Variants in RGMA observed in about 807,000 individuals in gnomAD.
The protein encoded by RGMA is repulsive guidance molecule A.
In RGMA, 10 loss-of-function variants were observed where a neutral mutation model predicts 23.2. That is an observed-to-expected ratio of 0.43 (90% CI 0.27 to 0.73). The LOEUF (loss-of-function observed/expected upper bound fraction) is 0.73, where lower values mean the gene tolerates loss of function less well. Ranked by LOEUF, RGMA falls within the 30% of genes least tolerant of loss-of-function variation. The probability of loss-of-function intolerance (pLI) is 0.20; values close to 1 mark genes in which losing one functional copy is unlikely to be tolerated. For missense variants in RGMA, 547 were observed against 630.5 expected, an observed-to-expected ratio of 0.87 and a Z score of 1.42; for synonymous variants, 308 against 279.3, an observed-to-expected ratio of 1.10 and a Z score of -1.03.
At chr15:93,063,126 C>T (rs372348883) in intron 2 of RGMA, 25 of 152,296 alleles carry the variant, frequency 1.6e-4, no homozygotes, top group African/African-American at 6.0e-4. Flanking sequence ...TGGAGGCAGG[C>T]GGAGGGAAGG....
rs1307889748 is a variant in RGMA, at chr15:93,044,569, AGT to A, written c.*427_*428del. 4.6e-6 allele frequency: 1 copy of A among 218,374 alleles called. No individual in the cohort carries two copies. Among genetic ancestry groups the A allele is most frequent in the Non-Finnish European group, 9.1e-6 (1 of 109,294 alleles). The allele number at this position is 218,374 out of a possible 1,614,324, so 13.5% of individuals were successfully genotyped here. A position where few individuals can be genotyped will look rare whatever the true frequency, so the allele number is the denominator to read the frequency against. ...GGGATCGAGTGTGCTCTCGTGTAAG[AGT>A]GTGTGCGTGCGTGTGGCGGGCACAG... On this transcript the variant is annotated 3_prime_UTR_variant, in exon 4 of 4. Transcript: ENST00000329082.
chr15:93,036,199 C>T lies in RGMA; in HGVS notation c.*8799G>A, dbSNP rs900786763. ...CTGTACTGCCGACATCAAGCATAGCCCCCCAGCTCATCACGGGGCCTCATG... is the reference window on the plus strand; with the variant it reads ...CTGTACTGCCGACATCAAGCATAGCTCCCCAGCTCATCACGGGGCCTCATG... On this transcript the variant is annotated 3_prime_UTR_variant, in exon 4 of 4. Coordinates refer to ENST00000329082, the MANE Select transcript of RGMA (RefSeq NM_020211.3). 4 of 152,218 alleles carry T rather than the reference C, an allele frequency of 2.6e-5. No individual in the cohort carries two copies. Among genetic ancestry groups the T allele is most frequent in the Non-Finnish European group, 1.5e-5 (1 of 68,050 alleles). 9.4% of individuals were successfully genotyped at this position (152,218 alleles called of 1,614,324 possible).
chr15:93,048,168 C>T (rs545188846), intron 3 of RGMA, among the ~76,000 whole-genome samples: 47 of 152,244 alleles, frequency 3.1e-4, no homozygotes, highest in African/African-American at 1.1e-3. Context: ...TGCCCCTGGC[C>T]GTGTTGCTGT....
intron 2 of RGMA, among the ~76,000 whole-genome samples, chr15:93,062,432 T>C (rs1481458087): frequency 5.9e-5 from 9 of 152,184 alleles, no homozygotes; most frequent in African/African-American, 2.2e-4. Flanking sequence ...TGACGGGTGA[T>C]GAAGGGCAAA....
intron 2 of RGMA, among the ~76,000 whole-genome samples, chr15:93,067,412 G>A (rs1245479018): frequency 1.3e-5 from 2 of 152,142 alleles, no homozygotes; most frequent in Non-Finnish European, 2.9e-5. Context: ...GAGAAAAGAA[G>A]GGCATATAGA....
In RGMA at chr15:93,056,214, T is replaced by C. The variant is rs571604366; in HGVS notation, c.131-3707A>G. On this transcript the variant is annotated intron_variant, in intron 2 of 3. Coordinates refer to ENST00000329082, the MANE Select transcript of RGMA (RefSeq NM_020211.3). ...CGGTCACAGAAGCCAAGCTAGTGCC[T>C]GATGGAGCCGGGCCAGCCCGGAGTG... Among the ~76,000 whole-genome samples, 4 of 152,258 alleles carry C rather than the reference T, an allele frequency of 2.6e-5. No individual in the cohort carries two copies. In the East Asian group the frequency reaches 7.7e-4, roughly 29 times the overall value.
At chr15:93,062,543 T>C (rs531075606) in intron 2 of RGMA, among the ~76,000 whole-genome samples, 141 of 152,264 alleles carry the variant, frequency 9.3e-4, no homozygotes, top group African/African-American at 3.1e-3. Context: ...CACGGAAACC[T>C]AGAGTGCCAC....
chr15:93,051,250 G>A (rs939801479), intron 3 of RGMA, among the ~76,000 whole-genome samples: 17 of 152,140 alleles, frequency 1.1e-4, no homozygotes, highest in East Asian at 1.9e-4. Context: ...GAACAGAAAC[G>A]CCCTTGTGGT....
Position 93,039,598 on chromosome 15 carries a change from A to G in RGMA, c.*5400T>C, listed in dbSNP as rs1397401458. 3 of 147,196 alleles carry G rather than the reference A, an allele frequency of 2.0e-5. No homozygotes were observed. Among genetic ancestry groups the G allele is most frequent in the Admixed American group, 1.4e-4 (2 of 14,746 alleles). The allele number at this position is 147,196 out of a possible 1,614,324, so 9.1% of individuals were successfully genotyped here. ...GTGTGATGTTCCCTTCCCTGTGTCC[A>G]TGTGTTCTCATTGTTCAACTCCCAC... On this transcript the variant is annotated 3_prime_UTR_variant, in exon 4 of 4. Coordinates refer to ENST00000329082, the MANE Select transcript of RGMA (RefSeq NM_020211.3).
At chr15:93,053,986 T>C (rs187082846) in intron 2 of RGMA, among the ~76,000 whole-genome samples, 180 of 152,272 alleles carry the variant, frequency 1.2e-3, no homozygotes, top group Non-Finnish European at 2.4e-3. Context: ...CCAGCACTTT[T>C]TGGGAGGCCG....
Position 93,052,340 on chromosome 15 carries a change from G to A in RGMA, c.298C>T (p.His100Tyr). The A allele has an allele frequency of 6.2e-7, 1 of 1,602,152 alleles. No homozygotes were observed. Among genetic ancestry groups the A allele is most frequent in the Non-Finnish European group, 8.5e-7 (1 of 1,179,450 alleles). Reference sequence around the variant, plus strand: ...TCCTCTATGCCATGGACGGCCGAGTGGTAGGCCAGGTCACCCCGGCAGGTG... The same window carrying A: ...TCCTCTATGCCATGGACGGCCGAGTAGTAGGCCAGGTCACCCCGGCAGGTG... ...ARTCRGDLAYHSAVHGIEDLM... is the reference protein window; with the variant it reads ...ARTCRGDLAYYSAVHGIEDLM... The change falls in exon 3 of 4, where the codon CAC (histidine) becomes TAC (tyrosine). Residue 100 changes from histidine to tyrosine, a missense_variant. His to Tyr is a moderately conservative substitution (Grantham distance 83). Coordinates refer to ENST00000329082, the MANE Select transcript of RGMA (RefSeq NM_020211.3).
At chr15:93,065,778 G>A in intron 2 of RGMA, 2 of 1,086,824 alleles carry the variant, frequency 1.8e-6, no homozygotes, top group South Asian at 2.5e-5. Flanking sequence ...CACCTTCCGT[G>A]GTAGGCTGGC....
chr15:93,052,696 C>A (rs1314082817), intron 2 of RGMA, among the ~76,000 whole-genome samples, 189 bp from the exon 3 acceptor site: 1 of 152,202 alleles, frequency 6.6e-6, no homozygotes, highest in Non-Finnish European at 1.5e-5. Context: ...CCTATGGCGA[C>A]CCCAAGTGGA....
At chr15:93,086,473 C>T (rs1895636453) in intron 1 of RGMA, among the ~76,000 whole-genome samples, 1 of 152,288 alleles carries the variant, frequency 6.6e-6, no homozygotes, top group African/African-American at 2.4e-5. Context: ...TGCAACCATA[C>T]TTGGTAAAAA....
chr15:93,073,943 C>T, intron 1 of RGMA: 2 of 1,428,460 alleles, frequency 1.4e-6, no homozygotes, highest in Non-Finnish European at 1.8e-6. Flanking sequence ...GTTTGGCGCT[C>T]TCTGCGAGGC....
rs192293617 is a variant in RGMA, at chr15:93,066,050, T to C, written c.130+6866A>G. The C allele has an allele frequency of 1.5e-3, 2,317 of 1,509,564 alleles. 5 individuals carry two copies. Among genetic ancestry groups the C allele is most frequent in the Middle Eastern group, 9.5e-3 (53 of 5,604 alleles). The allele number at this position is 1,509,564 out of a possible 1,614,324, so 93.5% of individuals were successfully genotyped here. A position where few individuals can be genotyped will look rare whatever the true frequency, so the allele number is the denominator to read the frequency against. On this transcript the variant is annotated intron_variant, in intron 2 of 3. Transcript: ENST00000329082. ...CCCGCTGAAGGGATCTCTGCCACCA[T>C]GGGTGGTGGGGCAACTGAGGGAGGC...
chr15:93,052,613 C>G, intron 2 of RGMA, 106 bp from the exon 3 acceptor site: 2 of 1,234,842 alleles, frequency 1.6e-6, no homozygotes, highest in East Asian at 5.1e-5. Flanking sequence ...TCATCTAGGG[C>G]AGAGCCACCC....
chr15:93,035,518 C>T lies in RGMA; in HGVS notation c.*9480G>A, dbSNP rs28526540. 0.3 allele frequency: 45,465 copies of T among 152,006 alleles called. 7,618 individuals carry two copies. Among genetic ancestry groups the T allele is most frequent in the Non-Finnish European group, 0.39 (26,339 of 67,962 alleles). The allele number at this position is 152,006 out of a possible 1,614,324, so 9.4% of individuals were successfully genotyped here. On this transcript the variant is annotated 3_prime_UTR_variant, in exon 4 of 4. Transcript: ENST00000329082. ...GAAGGCAGGCCAGGTGATCAGACGT[C>T]CCCTGGAGGCCGTGGGGCATGAAGA...
rs745751207 is a variant in RGMA at position 93,066,110 on chromosome 15, G to A, written c.130+6806C>T. ...AATCGGCGAAACTTACGTAGGTTGGGGGCATAACAGCTGCCCTTCACGGGC... is the reference window on the plus strand; with the variant it reads ...AATCGGCGAAACTTACGTAGGTTGGAGGCATAACAGCTGCCCTTCACGGGC... On this transcript the variant is annotated intron_variant, in intron 2 of 3. Transcript: ENST00000329082. 12 of 1,410,632 alleles carry A rather than the reference G, an allele frequency of 8.5e-6. No individual in the cohort carries two copies. The African/African-American group carries it at 1.5e-4, about 18-fold the overall frequency. 87.4% of individuals were successfully genotyped at this position (1,410,632 alleles called of 1,614,324 possible).
Sources: allele counts gnomAD v4.1 joint callset (sites outside exome capture counted in the v4.1 genomes callset), GRCh38; gene constraint gnomAD v4.1.1; transcripts MANE v1.5; gene names NCBI Gene and HGNC (gene_info 2026-07-23, HGNC 2026-07-21).